The following GRIP1 variants were observed in gnomAD, a reference collection of about 807,000 sequenced individuals.
GRIP1 encodes glutamate receptor interacting protein 1, also known as glutamate receptor-interacting protein 1.
In GRIP1, 45 loss-of-function variants were observed where a neutral mutation model predicts 129.9. That is an observed-to-expected ratio of 0.35 (90% CI 0.27 to 0.44). The LOEUF (loss-of-function observed/expected upper bound fraction) is 0.44, where lower values mean the gene tolerates loss of function less well. Among genes scored for constraint, GRIP1 ranks in the 20% least tolerant of loss-of-function variants. GRIP1 has a pLI of 1.00. For missense variants in GRIP1, 1,196 were observed against 1,396.8 expected (o/e 0.86, Z 2.29); for synonymous variants, 530 against 520.8 (o/e 1.02, Z -0.24).
intron 1 of GRIP1, among the ~76,000 whole-genome samples, chr12:66,785,360 A>ATATATATATG (rs1217294972): frequency 1.4e-5 from 2 of 143,118 alleles, no homozygotes; most frequent in African/African-American, 2.6e-5. Context: ...ATATATATAT[A>ATATATATATG]TATTAGTTGG....
At chr12:66,852,320 T>C (rs2039926883) in intron 1 of GRIP1, among the ~76,000 whole-genome samples, 1 of 151,968 alleles carries the variant, frequency 6.6e-6, no homozygotes, top group South Asian at 2.1e-4. Flanking sequence ...TTACTCGGTG[T>C]GCTCAGTTAG....
intron 1 of GRIP1, among the ~76,000 whole-genome samples, chr12:67,009,786 T>G (rs977334919): frequency 6.6e-6 from 1 of 152,110 alleles, no homozygotes; most frequent in Non-Finnish European, 1.5e-5. Flanking sequence ...GATACATGAG[T>G]GTGGGAAACC....
intron 1 of GRIP1, among the ~76,000 whole-genome samples, chr12:66,991,385 G>A (rs187000600): frequency 3.5e-4 from 54 of 152,228 alleles, no homozygotes; most frequent in African/African-American, 1.1e-3. Context: ...TTAGAGACAC[G>A]GCTTCATTTG....
chr12:66,428,694 G>C (rs2058058962), intron 14 of GRIP1, among the ~76,000 whole-genome samples: 1 of 152,150 alleles, frequency 6.6e-6, no homozygotes, highest in African/African-American at 2.4e-5. Flanking sequence ...TTTCCTCTTT[G>C]TAAAATGGAG....
chr12:66,738,449 C>A (rs1043738714), intron 1 of GRIP1, among the ~76,000 whole-genome samples: 12 of 152,018 alleles, frequency 7.9e-5, no homozygotes, highest in Admixed American at 2.0e-4. Flanking sequence ...TCTCGATCTC[C>A]TGACCTTGTG....
intron 7 of GRIP1, among the ~76,000 whole-genome samples, chr12:66,513,573 C>A (rs2060761723): frequency 6.6e-6 from 1 of 151,936 alleles, no homozygotes; most frequent in African/African-American, 2.4e-5. Flanking sequence ...CTTTTGGAAC[C>A]TTATAATTTT....
chr12:67,029,816 T>G (rs898014545), intron 1 of GRIP1, among the ~76,000 whole-genome samples: 1 of 152,068 alleles, frequency 6.6e-6, no homozygotes, highest in African/African-American at 2.4e-5. Flanking sequence ...TTTTAGTATT[T>G]TTTTGTATTT....
intron 19 of GRIP1, among the ~76,000 whole-genome samples, chr12:66,382,655 G>A (rs1355564068): frequency 6.6e-6 from 1 of 152,128 alleles, no homozygotes; most frequent in African/African-American, 2.4e-5. Context: ...AGGGAGACAA[G>A]GAAAAGAGGT....
intron 1 of GRIP1, among the ~76,000 whole-genome samples, chr12:66,629,289 T>C (rs1279748994): frequency 6.6e-6 from 1 of 152,164 alleles, no homozygotes; most frequent in Admixed American, 6.6e-5. Context: ...TCCCTCACAC[T>C]TTGCAGCACA....
chr12:66,467,872 G>C (rs1374061304), intron 7 of GRIP1, among the ~76,000 whole-genome samples: 19 of 152,168 alleles, frequency 1.2e-4, no homozygotes, highest in Admixed American at 1.2e-3. Context: ...GATTTTAATA[G>C]GTATGTTTGT....
At chr12:66,474,857 C>T (rs1167066526) in intron 7 of GRIP1, among the ~76,000 whole-genome samples, 1 of 152,150 alleles carries the variant, frequency 6.6e-6, no homozygotes, top group Non-Finnish European at 1.5e-5. Context: ...ACAACCGGTC[C>T]CAGCCACTGC....
At chr12:66,444,943 A>G (rs2058579464) in intron 12 of GRIP1, among the ~76,000 whole-genome samples, 1 of 152,240 alleles carries the variant, frequency 6.6e-6, no homozygotes, top group Admixed American at 6.5e-5. Flanking sequence ...AGTATCCCAG[A>G]GAAGTAATTA....
At chr12:66,479,042 TAAAAAAAGAAAAAGA>T (rs1205218798) in intron 7 of GRIP1, among the ~76,000 whole-genome samples, 1 of 143,712 alleles carries the variant, frequency 7.0e-6, no homozygotes, top group Non-Finnish European at 1.5e-5. Context: ...AAATATATAT[TAAAAAAAGAAAAAGA>T]AAAAAAAGAG....
At chr12:67,031,977 C>T (rs1313262853) in intron 1 of GRIP1, among the ~76,000 whole-genome samples, 1 of 152,082 alleles carries the variant, frequency 6.6e-6, no homozygotes, top group African/African-American at 2.4e-5. Context: ...ATGCTGTTCC[C>T]TTTGTTTTGT....
intron 1 of GRIP1, among the ~76,000 whole-genome samples, chr12:67,041,653 T>C (rs1245764608): frequency 6.6e-6 from 1 of 152,116 alleles, no homozygotes; most frequent in Non-Finnish European, 1.5e-5. Flanking sequence ...CAGACAAGTA[T>C]GTCTTGGTAT....
chr12:66,846,234 C>A (rs947355932), intron 1 of GRIP1, among the ~76,000 whole-genome samples: 1 of 152,200 alleles, frequency 6.6e-6, no homozygotes, highest in African/African-American at 2.4e-5. Flanking sequence ...CTAAACTGTA[C>A]ATTTGATTGT....
chr12:66,655,163 C>T (rs1309170940), intron 1 of GRIP1, among the ~76,000 whole-genome samples: 9 of 152,158 alleles, frequency 5.9e-5, no homozygotes, highest in Admixed American at 5.9e-4. Flanking sequence ...TCCACGTTCC[C>T]CCAAGAGGCA....
chr12:66,370,715 G>A (rs918493212), intron 23 of GRIP1, among the ~76,000 whole-genome samples: 4 of 152,230 alleles, frequency 2.6e-5, no homozygotes, highest in Non-Finnish European at 5.9e-5. Context: ...CCCTAGAAAA[G>A]GAAACTAGAC....
intron 1 of GRIP1, among the ~76,000 whole-genome samples, chr12:66,976,833 C>G (rs2042159601): frequency 1.3e-5 from 2 of 152,150 alleles, no homozygotes; most frequent in Admixed American, 1.3e-4. Flanking sequence ...CTACTTATCT[C>G]TACTCTTCCA....
Sources: gnomAD v4.1 joint callset for allele counts (sites outside exome capture counted in the v4.1 genomes callset) on GRCh38, gnomAD v4.1.1 for gene constraint, MANE v1.5 for transcripts, NCBI Gene and HGNC (gene_info 2026-07-23, HGNC 2026-07-21) for gene names.